Variants in SLC24A2 observed in about 807,000 individuals in gnomAD.
The protein encoded by SLC24A2 is solute carrier family 24 member 2.
In SLC24A2, 36 loss-of-function variants were observed where a neutral mutation model predicts 62.0. The observed-to-expected ratio is 0.58, with a 90% confidence interval of 0.44 to 0.77. The LOEUF (loss-of-function observed/expected upper bound fraction) is 0.77, where lower values mean the gene tolerates loss of function less well. Among genes scored for constraint, SLC24A2 ranks in the 30% least tolerant of loss-of-function variants. The pLI is 0.00. For missense variants in SLC24A2, 846 were observed against 817.9 expected (o/e 1.03, Z -0.42); for synonymous variants, 358 against 294.0 (o/e 1.22, Z -2.23).
intron 2 of SLC24A2, among the ~76,000 whole-genome samples, chr9:19,640,716 C>G (rs1818471586): frequency 6.6e-6 from 1 of 152,250 alleles, no homozygotes; most frequent in Non-Finnish European, 1.5e-5. Flanking sequence ...CCCTACTCAT[C>G]TTACCCTAAT....
At chr9:20,025,589 G>A in the SLC24A2 span, among the ~76,000 whole-genome samples, 9 of 152,180 alleles carry the variant, frequency 5.9e-5, no homozygotes, top group East Asian at 1.9e-4. Flanking sequence ...CAGTTACCAC[G>A]TACCAGCTAT....
the SLC24A2 span, among the ~76,000 whole-genome samples, chr9:20,288,042 AC>A: frequency 8.6e-6 from 1 of 116,604 alleles, no homozygotes; most frequent in Non-Finnish European, 1.6e-5. Context: ...TAGGAAAAAA[AC>A]ACACACACAC....
At chr9:19,839,943 G>C in the SLC24A2 span, among the ~76,000 whole-genome samples, 1 of 152,148 alleles carries the variant, frequency 6.6e-6, no homozygotes, top group Non-Finnish European at 1.5e-5. Flanking sequence ...CCTTAGGTTT[G>C]TGGTAAGCTA....
At chr9:20,080,352 A>T in the SLC24A2 span, among the ~76,000 whole-genome samples, 2 of 152,234 alleles carry the variant, frequency 1.3e-5, no homozygotes, top group Non-Finnish European at 2.9e-5. Flanking sequence ...TCTTTGACAA[A>T]CCTGACAAAA....
the SLC24A2 span, among the ~76,000 whole-genome samples, chr9:20,210,836 A>G: frequency 1.4e-3 from 211 of 151,028 alleles, 4 homozygotes; most frequent in South Asian, 0.034. Flanking sequence ...AACGGTGCCA[A>G]GGGATGGGGC....
At chr9:19,832,617 A>T in the SLC24A2 span, among the ~76,000 whole-genome samples, 2 of 152,238 alleles carry the variant, frequency 1.3e-5, no homozygotes, top group Non-Finnish European at 2.9e-5. Flanking sequence ...CTTAAATGTT[A>T]CACCTAAAAC....
chr9:19,821,011 C>T, the SLC24A2 span, among the ~76,000 whole-genome samples: 2 of 152,042 alleles, frequency 1.3e-5, no homozygotes, highest in African/African-American at 4.8e-5. Context: ...ACTTTTATTT[C>T]AAAACCTCTG....
the SLC24A2 span, among the ~76,000 whole-genome samples, chr9:20,193,217 G>T: frequency 6.6e-6 from 1 of 152,102 alleles, no homozygotes; most frequent in South Asian, 2.1e-4. Flanking sequence ...TAAGGTGAAA[G>T]GAATGGGTTT....
At chr9:19,538,869 C>T (rs899733299) in intron 8 of SLC24A2, among the ~76,000 whole-genome samples, 2 of 122,804 alleles carry the variant, frequency 1.6e-5, no homozygotes, top group Non-Finnish European at 3.3e-5. Flanking sequence ...TTGATTATTG[C>T]CACAATTTCA....
At chr9:19,580,083 A>G (rs1486155532) in intron 5 of SLC24A2, among the ~76,000 whole-genome samples, 1 of 152,230 alleles carries the variant, frequency 6.6e-6, no homozygotes, top group Non-Finnish European at 1.5e-5. Flanking sequence ...ATTGAACAGT[A>G]AGAGGGATTA....
chr9:19,700,272 G>A (rs1370045748), intron 2 of SLC24A2, among the ~76,000 whole-genome samples: 4 of 152,040 alleles, frequency 2.6e-5, no homozygotes, highest in Non-Finnish European at 5.9e-5. Context: ...TCTTCAGAAG[G>A]TGGATGTGAA....
chr9:20,288,496 C>T, the SLC24A2 span, among the ~76,000 whole-genome samples: 75 of 152,158 alleles, frequency 4.9e-4, 3 homozygotes, highest in South Asian at 4.8e-3. Context: ...GGGCCAGGTG[C>T]GGTGACTCAT....
the SLC24A2 span, among the ~76,000 whole-genome samples, chr9:20,051,518 T>G: frequency 1.3e-5 from 2 of 152,030 alleles, no homozygotes; most frequent in Non-Finnish European, 2.9e-5. Flanking sequence ...AGAACAGTAC[T>G]GCCAAGAACT....
the SLC24A2 span, among the ~76,000 whole-genome samples, chr9:20,231,711 T>G: frequency 6.6e-6 from 1 of 152,198 alleles, no homozygotes; most frequent in South Asian, 2.1e-4. Context: ...CTTTTCCTAA[T>G]TGAATACCCT....
Position 19,516,198 on chromosome 9 carries a change from G to C in SLC24A2, c.1941C>G (p.Ser647Arg). Residue 647 changes from serine (S) to arginine (R), a missense_variant, in exon 11 of 11, where the codon AGC (serine) becomes AGG (arginine). Physicochemically the swap from Ser to Arg is moderately radical, Grantham distance 110. Transcript: ENST00000341998. The part of the protein sequence containing the change: ...FGLYFVFLVV[S>R]VLLEDRILTC... ...TAAGAATTCTGTCTTCTAGGAGAACGCTCACCACCAGGAACACAAAGTAGA... is the reference window on the plus strand; with the variant it reads ...TAAGAATTCTGTCTTCTAGGAGAACCCTCACCACCAGGAACACAAAGTAGA... 1 of 1,614,170 alleles carries C rather than the reference G, an allele frequency of 6.2e-7. No individual in the cohort carries two copies. Among genetic ancestry groups the C allele is most frequent in the Non-Finnish European group, 8.5e-7 (1 of 1,180,022 alleles).
the SLC24A2 span, among the ~76,000 whole-genome samples, chr9:19,997,423 A>T: frequency 6.6e-6 from 1 of 152,216 alleles, no homozygotes; most frequent in Non-Finnish European, 1.5e-5. Context: ...GTACCATATT[A>T]GTTTAGGTCA....
At chr9:19,760,368 CTTTTA>C (rs1822281835) in intron 2 of SLC24A2, among the ~76,000 whole-genome samples, 1 of 152,064 alleles carries the variant, frequency 6.6e-6, no homozygotes, top group African/African-American at 2.4e-5. Context: ...AATTTTCTTA[CTTTTA>C]TTTTTTTATT....
At chr9:19,833,786 G>A in the SLC24A2 span, among the ~76,000 whole-genome samples, 1 of 152,226 alleles carries the variant, frequency 6.6e-6, no homozygotes, top group Admixed American at 6.5e-5. Flanking sequence ...TCCTCAAGTT[G>A]GTCCCTGACC....
Position 19,507,803 on chromosome 9 carries a change from T to G in SLC24A2, c.*8350A>C, listed in dbSNP as rs948166589. 5 of 152,296 alleles carry G rather than the reference T, an allele frequency of 3.3e-5. 1 individual carries two copies. The allele number at this position is 152,296 out of a possible 1,614,324, so 9.4% of individuals were successfully genotyped here. Reference sequence around the variant, plus strand: ...TGGAAGTGCATCCACTGGATTTTTGTAGGGATGAGGATAGGGGTTACAATG... The same window carrying G: ...TGGAAGTGCATCCACTGGATTTTTGGAGGGATGAGGATAGGGGTTACAATG... On this transcript the variant is annotated 3_prime_UTR_variant, in exon 11 of 11. Coordinates refer to ENST00000341998, the MANE Select transcript of SLC24A2 (RefSeq NM_020344.4).
Sources: allele counts gnomAD v4.1 joint callset (sites outside exome capture counted in the v4.1 genomes callset), GRCh38; gene constraint gnomAD v4.1.1; transcripts MANE v1.5; gene names NCBI Gene and HGNC (gene_info 2026-07-23, HGNC 2026-07-21).